Variants in MGAT4C observed in about 807,000 individuals in gnomAD.
MGAT4C encodes MGAT4 family member C.
MGAT4C carries 19 observed loss-of-function variants against 40.1 expected under a neutral mutation model. The observed-to-expected ratio is 0.47, with a 90% CI of 0.33 to 0.70. The LOEUF (loss-of-function observed/expected upper bound fraction) is 0.70. Ranked by LOEUF, MGAT4C falls within the 30% of genes least tolerant of loss-of-function variation. The pLI, the probability that MGAT4C is intolerant of heterozygous loss-of-function variation, is 0.02. For synonymous variants in MGAT4C, 181 were observed against 187.1 expected (o/e 0.97, Z 0.27); for missense variants, 491 against 563.2 (o/e 0.87, Z 1.30).
chr12:86,149,606 G>A (rs1884013530), intron 1 of MGAT4C, among the ~76,000 whole-genome samples: 1 of 152,086 alleles, frequency 6.6e-6, no homozygotes, highest in Non-Finnish European at 1.5e-5. Flanking sequence ...AGAGTAAAAA[G>A]CACAAAATCT....
chr12:86,247,617 T>A (rs1292466763), intron 1 of MGAT4C, among the ~76,000 whole-genome samples: 2 of 152,196 alleles, frequency 1.3e-5, no homozygotes, highest in East Asian at 3.9e-4. Context: ...TGTGCTTCTT[T>A]AACTGAGAAT....
chr12:86,089,392 G>A (rs969692012), intron 1 of MGAT4C, among the ~76,000 whole-genome samples: 3 of 151,802 alleles, frequency 2.0e-5, no homozygotes, highest in Non-Finnish European at 4.4e-5. Context: ...TTTTGTGTCT[G>A]TTCTATAAAC....
At chr12:86,764,846 C>T (rs1450054728) in intron 1 of MGAT4C, among the ~76,000 whole-genome samples, 1 of 152,046 alleles carries the variant, frequency 6.6e-6, no homozygotes, top group African/African-American at 2.4e-5. Flanking sequence ...AAAGGACATC[C>T]ACACCAAAAA....
At chr12:86,623,393 A>G (rs1312196047) in intron 2 of MGAT4C, among the ~76,000 whole-genome samples, 1 of 152,204 alleles carries the variant, frequency 6.6e-6, no homozygotes, top group East Asian at 1.9e-4. Context: ...CAACAGGTCC[A>G]TCTGACTTAA....
chr12:86,131,772 G>A lies in MGAT4C; in HGVS notation c.-56-82049C>T, dbSNP rs187085276. 5.2e-3 allele frequency among the ~76,000 whole-genome samples: 793 copies of A among 151,350 alleles called. 4 individuals are homozygous for A. Among genetic ancestry groups the A allele is most frequent in the Middle Eastern group, 0.01 (3 of 290 alleles). ...TTTTTTCAGCCTGCACAATACAACCGTTAAGAAAATCTTCTATTTAATTTG... is the reference window on the plus strand; with the variant it reads ...TTTTTTCAGCCTGCACAATACAACCATTAAGAAAATCTTCTATTTAATTTG... On this transcript the variant is annotated intron_variant, in intron 1 of 4. Coordinates refer to ENST00000611864, the MANE Select transcript of MGAT4C (RefSeq NM_001351288.2).
At chr12:86,786,942 A>C (rs1170010613) in intron 1 of MGAT4C, among the ~76,000 whole-genome samples, 1 of 152,126 alleles carries the variant, frequency 6.6e-6, no homozygotes, top group African/African-American at 2.4e-5. Flanking sequence ...GTAATCAATA[A>C]GTTCACCCTT....
chr12:86,097,119 C>T (rs1175107780), intron 1 of MGAT4C, among the ~76,000 whole-genome samples: 1 of 151,508 alleles, frequency 6.6e-6, no homozygotes, highest in Non-Finnish European at 1.5e-5. Context: ...CTCCAGCTGG[C>T]ATGTTTGCAT....
intron 2 of MGAT4C, among the ~76,000 whole-genome samples, chr12:86,606,559 A>G (rs966397391): frequency 2.0e-5 from 3 of 152,170 alleles, no homozygotes; most frequent in Non-Finnish European, 2.9e-5. Flanking sequence ...GCTAGAGCAG[A>G]GAATAAGCAG....
At chr12:86,240,748 T>C (rs535000917) in intron 1 of MGAT4C, among the ~76,000 whole-genome samples, 2 of 152,290 alleles carry the variant, frequency 1.3e-5, no homozygotes, top group South Asian at 4.1e-4. Flanking sequence ...AGAATAACTC[T>C]TTCATCTTAT....
At chr12:86,083,751 T>A (rs1871261543) in intron 1 of MGAT4C, among the ~76,000 whole-genome samples, 2 of 152,080 alleles carry the variant, frequency 1.3e-5, no homozygotes, top group Non-Finnish European at 2.9e-5. Flanking sequence ...GGCTGTCTCA[T>A]TATCTGATTA....
intron 3 of MGAT4C, among the ~76,000 whole-genome samples, chr12:86,386,489 C>T (rs986247817): frequency 6.6e-6 from 1 of 152,110 alleles, no homozygotes; most frequent in African/African-American, 2.4e-5. Context: ...AGTCTTGGAC[C>T]GTTAATATTC....
intron 4 of MGAT4C, among the ~76,000 whole-genome samples, chr12:86,270,300 C>T (rs1045184892): frequency 3.3e-5 from 5 of 151,998 alleles, no homozygotes; most frequent in Admixed American, 6.6e-5. Context: ...AGGCTGGTCT[C>T]GAACTCCTGA....
intron 2 of MGAT4C, among the ~76,000 whole-genome samples, chr12:86,492,328 C>T (rs1001857310): frequency 6.6e-5 from 10 of 152,054 alleles, no homozygotes; most frequent in Non-Finnish European, 8.8e-5. Context: ...AAAACGAGCC[C>T]GCATTGCCAA....
intron 1 of MGAT4C, among the ~76,000 whole-genome samples, chr12:86,836,725 T>G (rs1325770230): frequency 6.6e-6 from 1 of 152,100 alleles, no homozygotes; most frequent in East Asian, 1.9e-4. Context: ...TTCATATATG[T>G]TATATTCATC....
rs149991252 is a variant in MGAT4C, at chr12:86,549,116, CTATTT to C, written c.-228-113856_-228-113852del. On this transcript the variant is annotated intron_variant, in intron 2 of 7. Coordinates refer to the MGAT4C transcript ENST00000548651. ...ATAGTAGCACTCTATAAAAAGTGAA[CTATTT>C]TATTTTGTTAATGATTTTAACATTG... is the stretch of plus-strand genomic sequence containing the variant. Among the ~76,000 whole-genome samples, 1,153 of 152,104 alleles carry C rather than the reference CTATTT, an allele frequency of 7.6e-3. 14 individuals are homozygous for C. Among genetic ancestry groups the C allele is most frequent in the African/African-American group, 0.025 (1,048 of 41,482 alleles).
chr12:86,125,038 C>G (rs1880019653), intron 1 of MGAT4C, among the ~76,000 whole-genome samples: 1 of 152,152 alleles, frequency 6.6e-6, no homozygotes, highest in African/African-American at 2.4e-5. Context: ...TGTAACTCAC[C>G]TGTTTGTATC....
At chr12:86,428,827 T>C (rs1956979524) in intron 3 of MGAT4C, among the ~76,000 whole-genome samples, 1 of 152,126 alleles carries the variant, frequency 6.6e-6, no homozygotes, top group African/African-American at 2.4e-5. Context: ...TACTTTTTCA[T>C]TTCTGATTTT....
chr12:86,138,644 T>TATATATATTTCCATATATATC (rs1320807850), intron 1 of MGAT4C, among the ~76,000 whole-genome samples: 9 of 147,744 alleles, frequency 6.1e-5, no homozygotes, highest in South Asian at 2.1e-4. Flanking sequence ...AGATATATCA[T>TATATATATTTCCATATATATC]ATATATATTT....
At chr12:86,361,541 G>T (rs548194140) in intron 3 of MGAT4C, among the ~76,000 whole-genome samples, 10 of 152,274 alleles carry the variant, frequency 6.6e-5, no homozygotes, top group African/African-American at 2.2e-4. Flanking sequence ...CCATCAGAGT[G>T]AACAGGCAAC....
Sources: allele counts gnomAD v4.1 joint callset (sites outside exome capture counted in the v4.1 genomes callset), GRCh38; gene constraint gnomAD v4.1.1; transcripts MANE v1.5; gene names NCBI Gene and HGNC (gene_info 2026-07-23, HGNC 2026-07-21).